Variants in PTPN13 observed in about 807,000 individuals in gnomAD.
PTPN13 encodes protein tyrosine phosphatase non-receptor type 13.
A neutral mutation model predicts 284.0 loss-of-function variants in PTPN13; 191 were observed. The observed-to-expected ratio is 0.67, with a 90% CI of 0.60 to 0.76. The LOEUF is 0.76. Among genes scored for constraint, PTPN13 ranks in the 30% least tolerant of loss-of-function variants. The probability of loss-of-function intolerance (pLI) is 0.00; values close to 1 mark genes in which losing one functional copy is unlikely to be tolerated. For synonymous variants in PTPN13, 986 were observed against 1,022.3 expected, an observed-to-expected ratio of 0.96 and a Z score of 0.68; for missense variants, 2,797 against 2,939.9, an observed-to-expected ratio of 0.95 and a Z score of 1.12.
At chr4:86,805,188 A>G in intron 43 of PTPN13, 91 bp from the exon 44 acceptor site, 1 of 718,394 alleles carries the variant, frequency 1.4e-6, no homozygotes, top group Non-Finnish European at 2.3e-6. Flanking sequence ...GCCTTAATCA[A>G]CCAATTTTGC....
chr4:86,694,559 C>CA (rs1464427536), intron 6 of PTPN13, among the ~76,000 whole-genome samples: 3 of 52,028 alleles, frequency 5.8e-5, no homozygotes, highest in Non-Finnish European at 1.0e-4. Context: ...GCCTGGGCAA[C>CA]AAAGAGTGAA....
chr4:86,775,741 T>C, intron 35 of PTPN13, 89 bp downstream of exon 35: 2 of 1,053,216 alleles, frequency 1.9e-6, no homozygotes, highest in Non-Finnish European at 2.7e-6. Context: ...AATATATTAC[T>C]GAATTAGTAA....
At chr4:86,704,753 G>A (rs1565369167) in intron 7 of PTPN13, among the ~76,000 whole-genome samples, 1 of 152,098 alleles carries the variant, frequency 6.6e-6, no homozygotes, top group African/African-American at 2.4e-5. Flanking sequence ...GTTTTCAAAA[G>A]CATTTGCTCT....
chr4:86,766,492 T>A lies in PTPN13; in HGVS notation c.4304T>A (p.Val1435Glu), dbSNP rs1739330104. 1 of 1,609,334 alleles carries A rather than the reference T, an allele frequency of 6.2e-7. No individual in the cohort carries two copies. The highest frequency in any genetic ancestry group is 8.5e-7 in the Non-Finnish European group (1 of 1,178,568). The change falls in exon 27 of 48, where the codon GTG (valine) becomes GAG (glutamate). Residue 1435 changes from valine to glutamate, a missense_variant. By Grantham distance (121) the Val-to-Glu change is moderately radical. Coordinates refer to ENST00000411767, the MANE Select transcript of PTPN13 (RefSeq NM_080683.3). ...GAAGGAGCCACCCATAAGCAAGCTG[T>A]GGAAACACTGAGAAATACAGGACAG... is the stretch of plus-strand genomic sequence containing the variant. ...SLEGATHKQA[V>E]ETLRNTGQVV...
chr4:86,734,500 TC>T, intron 13 of PTPN13, 44 bp downstream of exon 13: 1 of 1,455,074 alleles, frequency 6.9e-7, no homozygotes, highest in East Asian at 2.4e-5. Context: ...TGGACACTGG[TC>T]TTTTGACCCT....
At chr4:86,597,347 C>T (rs570054793) in intron 1 of PTPN13, among the ~76,000 whole-genome samples, 1 of 152,304 alleles carries the variant, frequency 6.6e-6, no homozygotes, top group East Asian at 1.9e-4. Context: ...AAGCAATCCT[C>T]CTAACTCAGC....
intron 1 of PTPN13, among the ~76,000 whole-genome samples, chr4:86,606,910 A>G (rs564369061): frequency 6.6e-6 from 1 of 152,062 alleles, no homozygotes; most frequent in African/African-American, 2.4e-5. Flanking sequence ...GGTGGCCAGT[A>G]CATTTTCTGC....
chr4:86,631,524 C>G (rs1245242920), intron 1 of PTPN13, among the ~76,000 whole-genome samples: 1 of 152,054 alleles, frequency 6.6e-6, no homozygotes, highest in Non-Finnish European at 1.5e-5. Context: ...TCTTTAAGTT[C>G]TTGCCTAGCA....
intron 1 of PTPN13, among the ~76,000 whole-genome samples, chr4:86,624,817 C>A (rs976121214): frequency 3.9e-5 from 6 of 152,104 alleles, no homozygotes; most frequent in Non-Finnish European, 8.8e-5. Flanking sequence ...TAGTCAGAAC[C>A]TGACTCTAAA....
At chr4:86,752,874 T>A in intron 19 of PTPN13, 135 bp from the exon 20 acceptor site, 1 of 481,408 alleles carries the variant, frequency 2.1e-6, no homozygotes, top group Non-Finnish European at 3.6e-6. Flanking sequence ...CATTGGAGGA[T>A]GTTTTCTCAG....
chr4:86,784,104 T>G (rs918346183), intron 37 of PTPN13, among the ~76,000 whole-genome samples: 1 of 152,128 alleles, frequency 6.6e-6, no homozygotes, highest in African/African-American at 2.4e-5. Flanking sequence ...AAGACAAGTC[T>G]TATAAAATTG....
intron 19 of PTPN13, among the ~76,000 whole-genome samples, chr4:86,752,205 A>G (rs1737473702): frequency 6.6e-6 from 1 of 152,090 alleles, no homozygotes; most frequent in African/African-American, 2.4e-5. Context: ...AATACTACTA[A>G]ACTCTCTTCT....
chr4:86,778,395 A>T (rs888298901), intron 35 of PTPN13, among the ~76,000 whole-genome samples: 1 of 152,232 alleles, frequency 6.6e-6, no homozygotes. Context: ...TGAGCATGGC[A>T]TTAGTGTCAG....
chr4:86,724,655 A>C (rs1049019902), intron 10 of PTPN13, among the ~76,000 whole-genome samples: 5 of 152,134 alleles, frequency 3.3e-5, no homozygotes, highest in Admixed American at 3.3e-4. Context: ...GAAAAGGGTA[A>C]TGGGGTTTGG....
intron 1 of PTPN13, among the ~76,000 whole-genome samples, chr4:86,634,150 T>TTAGTTGAG (rs1722762555): frequency 6.6e-6 from 1 of 152,170 alleles, no homozygotes; most frequent in Non-Finnish European, 1.5e-5. Context: ...GTTAGTTGAG[T>TTAGTTGAG]AAACAAAGTC....
intron 2 of PTPN13, among the ~76,000 whole-genome samples, chr4:86,636,861 A>T (rs1390714195): frequency 6.6e-6 from 1 of 152,188 alleles, no homozygotes; most frequent in Admixed American, 6.5e-5. Context: ...GACTAAAAAA[A>T]ACCCTTCAAA....
chr4:86,745,987 G>C (rs1458907794), intron 17 of PTPN13, among the ~76,000 whole-genome samples: 1 of 152,108 alleles, frequency 6.6e-6, no homozygotes, highest in Non-Finnish European at 1.5e-5. Flanking sequence ...GAGGATGGGG[G>C]AAGTATGCAC....
At chr4:86,706,486 A>G (rs1731781253) in intron 7 of PTPN13, among the ~76,000 whole-genome samples, 1 of 152,178 alleles carries the variant, frequency 6.6e-6, no homozygotes, top group African/African-American at 2.4e-5. Flanking sequence ...GTATTAAACC[A>G]TAAGGTGCAG....
chr4:86,623,160 C>T (rs1721452399), intron 1 of PTPN13, among the ~76,000 whole-genome samples: 1 of 152,128 alleles, frequency 6.6e-6, no homozygotes, highest in Non-Finnish European at 1.5e-5. Flanking sequence ...AGGCTGAAAA[C>T]CTCCCGGGGG....
Sources: allele counts gnomAD v4.1 joint callset (sites outside exome capture counted in the v4.1 genomes callset), GRCh38; gene constraint gnomAD v4.1.1; transcripts MANE v1.5; gene names NCBI Gene and HGNC (gene_info 2026-07-23, HGNC 2026-07-21).